Variants in WWOX observed in about 807,000 individuals in gnomAD.
WWOX encodes WW domain containing oxidoreductase.
WWOX carries 69 observed loss-of-function variants against 46.2 expected under a neutral mutation model. That is an observed-to-expected ratio of 1.49 (90% CI 1.23 to 1.82). WWOX has a LOEUF of 1.82. WWOX is among the 40% of genes most tolerant of loss of function. WWOX has a pLI of 0.00. For missense variants in WWOX, 919 were observed against 542.6 expected (o/e 1.69, Z -6.89); for synonymous variants, 359 against 202.6 (o/e 1.77, Z -6.56).
At chr16:79,023,359 G>C (rs1443707165) in intron 8 of WWOX, among the ~76,000 whole-genome samples, 1 of 152,166 alleles carries the variant, frequency 6.6e-6, no homozygotes, top group Non-Finnish European at 1.5e-5. Context: ...AGTTCTAGGG[G>C]GAGATGAGGA....
intron 5 of WWOX, among the ~76,000 whole-genome samples, chr16:78,177,696 C>T (rs1193612280): frequency 6.6e-6 from 1 of 152,160 alleles, no homozygotes; most frequent in Non-Finnish European, 1.5e-5. Context: ...TCTCTAGGTC[C>T]TGGCAGCCAT....
At chr16:79,053,063 C>G (rs1017799063) in intron 8 of WWOX, among the ~76,000 whole-genome samples, 1 of 151,896 alleles carries the variant, frequency 6.6e-6, no homozygotes, top group African/African-American at 2.4e-5. Flanking sequence ...CCTTTAGATG[C>G]TCTTAGTTAA....
chr16:78,448,029 C>T (rs1254370979), intron 8 of WWOX, among the ~76,000 whole-genome samples: 2 of 152,118 alleles, frequency 1.3e-5, no homozygotes, highest in African/African-American at 2.4e-5. Context: ...GTCTTGAACT[C>T]CTGACCTCAA....
intron 8 of WWOX, among the ~76,000 whole-genome samples, chr16:78,780,849 C>A (rs1238126349): frequency 1.3e-5 from 2 of 152,130 alleles, no homozygotes; most frequent in Admixed American, 1.3e-4. Flanking sequence ...AGAAAGGAAG[C>A]CACTGAAGGG....
At chr16:78,647,851 G>C (rs1347501888) in intron 8 of WWOX, among the ~76,000 whole-genome samples, 1 of 152,134 alleles carries the variant, frequency 6.6e-6, no homozygotes, top group Non-Finnish European at 1.5e-5. Flanking sequence ...GGCTTTGGGG[G>C]ATCCCAGCTC....
At chr16:78,982,472 C>T (rs2046701597) in intron 8 of WWOX, among the ~76,000 whole-genome samples, 1 of 152,198 alleles carries the variant, frequency 6.6e-6, no homozygotes, top group Non-Finnish European at 1.5e-5. Flanking sequence ...GGTCTGCAGA[C>T]AGACTTGTGT....
rs184862033 is a variant in WWOX, at chr16:79,187,979, T to C, written c.1057-23629T>C. Among the ~76,000 whole-genome samples, 12 of 152,352 alleles carry C rather than the reference T, an allele frequency of 7.9e-5. No individual in the cohort carries two copies. The East Asian group carries it at 2.3e-3, about 29-fold the overall frequency. On this transcript the variant is annotated intron_variant, in intron 8 of 8. Coordinates refer to ENST00000566780, the MANE Select transcript of WWOX (RefSeq NM_016373.4). ...TTCCCTCTTATCTCGAAATGTCCAC[T>C]CTCTCTCCCATGCACGGGGAGTCAA...
At chr16:78,290,877 G>A (rs920104966) in intron 5 of WWOX, among the ~76,000 whole-genome samples, 2 of 152,036 alleles carry the variant, frequency 1.3e-5, no homozygotes, top group African/African-American at 2.4e-5. Flanking sequence ...TTATGAGAAG[G>A]CTTATATTAT....
Position 78,792,540 on chromosome 16 carries a change from C to T in WWOX, c.1056+359788C>T, listed in dbSNP as rs1277385652. 5.9e-5 allele frequency among the ~76,000 whole-genome samples: 9 copies of T among 152,164 alleles called. No homozygotes were observed. In the South Asian group the frequency reaches 1.7e-3, roughly 28 times the overall value. On this transcript the variant is annotated intron_variant, in intron 8 of 8. Coordinates refer to ENST00000566780, the MANE Select transcript of WWOX (RefSeq NM_016373.4). ...CGGCAGAGGGCATGGATAAGGGGTT[C>T]GTAAAAACTTAGGGCCATTTAATAC...
At chr16:78,857,017 C>A (rs922791561) in intron 8 of WWOX, among the ~76,000 whole-genome samples, 2 of 152,140 alleles carry the variant, frequency 1.3e-5, no homozygotes, top group African/African-American at 4.8e-5. Flanking sequence ...TAAGTATTTG[C>A]ATATACAAAC....
At chr16:78,922,503 T>C (rs1362688196) in intron 8 of WWOX, among the ~76,000 whole-genome samples, 1 of 151,812 alleles carries the variant, frequency 6.6e-6, no homozygotes, top group Non-Finnish European at 1.5e-5. Flanking sequence ...CTCAGCCTCC[T>C]GAGTCACTGG....
chr16:78,772,060 G>C (rs968579871), intron 8 of WWOX, among the ~76,000 whole-genome samples: 3 of 151,854 alleles, frequency 2.0e-5, no homozygotes, highest in Non-Finnish European at 4.4e-5. Context: ...TTTTATTTTG[G>C]GTTCAGGGGT....
At chr16:78,653,974 C>A (rs1459211696) in intron 8 of WWOX, among the ~76,000 whole-genome samples, 1 of 152,188 alleles carries the variant, frequency 6.6e-6, no homozygotes, top group Non-Finnish European at 1.5e-5. Flanking sequence ...AAAGGCAAAG[C>A]AGAGATCCAG....
chr16:78,967,795 G>C (rs2046390663), intron 8 of WWOX, among the ~76,000 whole-genome samples: 2 of 152,006 alleles, frequency 1.3e-5, no homozygotes, highest in South Asian at 4.2e-4. Flanking sequence ...AAATCTTTGG[G>C]GTGTGTAAGA....
At chr16:79,153,057 GC>G (rs2050312438) in intron 8 of WWOX, among the ~76,000 whole-genome samples, 1 of 152,178 alleles carries the variant, frequency 6.6e-6, no homozygotes, top group Non-Finnish European at 1.5e-5. Flanking sequence ...GCGAGCGGAG[GC>G]CTGGTTTCTG....
At chr16:78,540,014 T>TCA (rs1489472379) in intron 8 of WWOX, among the ~76,000 whole-genome samples, 1 of 127,588 alleles carries the variant, frequency 7.8e-6, no homozygotes, top group East Asian at 2.3e-4. Context: ...TCTCTCTCTC[T>TCA]CTCTCTCACA....
intron 8 of WWOX, among the ~76,000 whole-genome samples, chr16:78,729,809 C>T (rs967665883): frequency 2.0e-5 from 3 of 152,182 alleles, no homozygotes; most frequent in African/African-American, 7.2e-5. Flanking sequence ...TTTGAACCTA[C>T]AGTTTTGAGG....
rs575482242 is a variant in WWOX, at chr16:78,137,010, C to T, written c.409+21856C>T. Among the ~76,000 whole-genome samples the T allele has an allele frequency of 7.9e-4, 121 of 152,226 alleles. No homozygotes were observed. In the East Asian group the frequency reaches 0.013, roughly 16 times the overall value. On this transcript the variant is annotated intron_variant, in intron 4 of 8. Transcript: ENST00000566780. Reference sequence around the variant, plus strand: ...GAGGAGAGGCAGAGCTGCGTGTGCCCGGTTCTCAATCCTGGAATTACCATT... The same window carrying T: ...GAGGAGAGGCAGAGCTGCGTGTGCCTGGTTCTCAATCCTGGAATTACCATT...
At chr16:79,142,835 A>G (rs2050115752) in intron 8 of WWOX, among the ~76,000 whole-genome samples, 1 of 152,102 alleles carries the variant, frequency 6.6e-6, no homozygotes, top group Admixed American at 6.6e-5. Flanking sequence ...AGTAGCTGGG[A>G]CTACAGGGAC....
Sources: allele counts gnomAD v4.1 joint callset (sites outside exome capture counted in the v4.1 genomes callset), GRCh38; gene constraint gnomAD v4.1.1; transcripts MANE v1.5; gene names NCBI Gene and HGNC (gene_info 2026-07-23, HGNC 2026-07-21).